Variants in HSPG2 observed in about 807,000 individuals in gnomAD.
The protein encoded by HSPG2 is heparan sulfate proteoglycan 2.
Under a neutral mutation model 526.6 loss-of-function variants are expected in HSPG2, and 278 were observed. The observed-to-expected ratio is 0.53, with a 90% confidence interval of 0.48 to 0.58. The LOEUF is 0.58. Ranked by LOEUF, HSPG2 falls within the 20% of genes least tolerant of loss-of-function variation. The probability of loss-of-function intolerance (pLI) is 0.00; values close to 1 mark genes in which losing one functional copy is unlikely to be tolerated. For synonymous variants in HSPG2, 2,465 were observed against 2,555.4 expected (o/e 0.96, Z 1.07); for missense variants, 5,354 against 6,099.5 (o/e 0.88, Z 4.07).
rs1266840796 is a variant in HSPG2, at chr1:21,824,525, A to G, written c.12744+12T>C. The G allele has an allele frequency of 1.2e-6, 2 of 1,612,748 alleles. No homozygotes were observed. The highest frequency in any genetic ancestry group is 1.7e-6 in the Non-Finnish European group (2 of 1,179,826). ...AGGAGCCCCAAGAGCCCAGCCGGAT[A>G]CCCACACTCACCACACCCTGCCAGA... On this transcript the variant is annotated intron_variant, in intron 93 of 96. Coordinates refer to ENST00000374695, the MANE Select transcript of HSPG2 (RefSeq NM_005529.7). The surrounding 1 kb of genome is among the most constrained non-coding windows in gnomAD (Gnocchi z 5.9).
At chr1:21,914,240 A>C (rs1643814665) in intron 1 of HSPG2, among the ~76,000 whole-genome samples, 1 of 152,174 alleles carries the variant, frequency 6.6e-6, no homozygotes, top group Non-Finnish European at 1.5e-5. Flanking sequence ...CTGAAAAGGA[A>C]ATACAGCAGG....
rs765286322 is a variant in HSPG2, at chr1:21,878,234, A to G, written c.2637T>C (p.Cys879=). ...CRPVNQEIVR[C]DERGSMGTSG... is the part of the protein sequence containing the mutation. ...AGGTCCCCATGCTGCCACGCTCGTC[A>G]CAGCGCACAATCTCCTGGTCTGGGA... is the stretch of plus-strand genomic sequence containing the variant. Residue 879 remains cysteine (C), a synonymous_variant, in exon 21 of 97, where the codon TGT becomes TGC. Coordinates refer to ENST00000374695, the MANE Select transcript of HSPG2 (RefSeq NM_005529.7). 7 of 1,613,870 alleles carry G rather than the reference A, an allele frequency of 4.3e-6. No individual in the cohort carries two copies. The highest frequency in any genetic ancestry group is 5.1e-6 in the Non-Finnish European group (6 of 1,180,020).
intron 1 of HSPG2, among the ~76,000 whole-genome samples, chr1:21,932,790 C>T (rs920928408): frequency 2.6e-5 from 4 of 152,152 alleles, no homozygotes; most frequent in Middle Eastern, 3.2e-3. Context: ...CTTGGTCAGG[C>T]GAGGTGGCCC....
intron 85 of HSPG2, 126 bp from the exon 86 acceptor site, chr1:21,830,217 G>A (rs745471066): frequency 4.0e-6 from 3 of 755,768 alleles, no homozygotes; most frequent in Non-Finnish European, 6.8e-6. Context: ...CAGCCTCCTG[G>A]GAGGCCTTGG....
Position 21,839,231 on chromosome 1 carries a change from G to T in HSPG2, c.9889+140C>A. The T allele has an allele frequency of 7.0e-7, 1 of 1,426,370 alleles. No individual in the cohort carries two copies. The highest frequency in any genetic ancestry group is 1.4e-5 in the African/African-American group (1 of 71,222). The allele number at this position is 1,426,370 out of a possible 1,614,324, so 88.4% of individuals were successfully genotyped here. ...GCAAAGGTCCCAGGCCAGGGTGTGG[G>T]TGTCGGGCAGGGCAGGCTCCAGGAC... On this transcript the variant is annotated intron_variant, in intron 73 of 96. Transcript: ENST00000374695. The surrounding 1 kb of genome is among the most constrained non-coding windows in gnomAD (Gnocchi z 4.5).
In HSPG2 at chr1:21,885,032, G is replaced by A; in HGVS notation, c.1336C>T (p.His446Tyr). ...CCGCACCTGGGATGAGAGGGGATGT[G>A]GCCCCAGTTGAGCCTCCAATTGATG... ...PIINWRLNWGHIPSHPRVTVT... is the reference protein window; with the variant it reads ...PIINWRLNWGYIPSHPRVTVT... Residue 446 changes from histidine to tyrosine, a missense_variant, in exon 11 of 97, where the codon CAC becomes TAC. Coordinates refer to ENST00000374695, the MANE Select transcript of HSPG2 (RefSeq NM_005529.7). 1.2e-6 allele frequency: 2 copies of A among 1,613,950 alleles called. No individual in the cohort carries two copies. Among genetic ancestry groups the A allele is most frequent in the Non-Finnish European group, 1.7e-6 (2 of 1,180,002 alleles).
In HSPG2 at chr1:21,830,049, C is replaced by A. The variant is rs773431731; in HGVS notation, c.11714G>T (p.Gly3905Val). ...PDATCVNRPD[G>V]RGYTCRCHLG... ...GTGGCAGCGGCAGGTGTAGCCTCGA[C>A]CGTCAGGCCGGTTCACACAGGTGGC... The change falls in exon 86 of 97, where the codon GGT becomes GTT. Residue 3905 changes from glycine to valine, a missense_variant. Gly to Val is a moderately radical substitution (Grantham distance 109). Transcript: ENST00000374695. The A allele has an allele frequency of 4.4e-6, 7 of 1,604,434 alleles. No individual in the cohort carries two copies. In the East Asian group the frequency reaches 1.3e-4, roughly 31 times the overall value.
At position 21,836,975 on chromosome 1, in the gene HSPG2, G is replaced by C. The variant is rs959079667; in HGVS notation, c.10182C>G (p.Ile3394Met). The C allele has an allele frequency of 1.3e-6, 2 of 1,553,806 alleles. No individual in the cohort carries two copies. The highest frequency in any genetic ancestry group is 1.4e-5 in the African/African-American group (1 of 73,320). The stretch of plus-strand genomic sequence containing the variant: ...GCACGGTGGGCGTGGACCCTGCTGG[G>C]ATGGAGGTGGCAGGGAGAGAGCCGG... Reference protein sequence around the residue: ...GPPGSLPATSIPAGSTPTVQV... With the variant: ...GPPGSLPATSMPAGSTPTVQV... The change falls in exon 75 of 97, where the codon ATC becomes ATG. Residue 3394 changes from isoleucine to methionine, a missense_variant. Coordinates refer to ENST00000374695, the MANE Select transcript of HSPG2 (RefSeq NM_005529.7).
At chr1:21,879,156 G>C (rs1198263082) in intron 17 of HSPG2, 35 bp from the exon 18 acceptor site, 1 of 1,613,730 alleles carries the variant, frequency 6.2e-7, no homozygotes, top group African/African-American at 1.3e-5. Context: ...TCAACTTCTA[G>C]AGCAGAACTG....
In HSPG2 at chr1:21,828,991, C is replaced by T. The variant is rs767343959; in HGVS notation, c.12081G>A (p.Leu4027=). Residue 4027 remains leucine (L), a synonymous_variant, in exon 88 of 97, where the codon CTG becomes CTA. Coordinates refer to ENST00000374695, the MANE Select transcript of HSPG2 (RefSeq NM_005529.7). The surrounding 1 kb of genome is among the most constrained non-coding windows in gnomAD (Gnocchi z 6.0). ...GCACAGGGCGTCCACCATTCACCCGCAGGCTGCCGTCCTTGTTGAGACGCT... is the reference window on the plus strand; with the variant it reads ...GCACAGGGCGTCCACCATTCACCCGTAGGCTGCCGTCCTTGTTGAGACGCT... ...SAERLNKDGS[L]RVNGGRPVLR... 23 of 1,571,516 alleles carry T rather than the reference C, an allele frequency of 1.5e-5. No homozygotes were observed. The highest frequency in any genetic ancestry group is 5.8e-5 in the South Asian group (5 of 85,494).
Position 21,855,445 on chromosome 1 carries a change from C to A in HSPG2, c.5856G>T (p.Gly1952=), listed in dbSNP as rs997439061. The A allele has an allele frequency of 1.5e-5, 24 of 1,613,066 alleles. No homozygotes were observed. Among genetic ancestry groups the A allele is most frequent in the Middle Eastern group, 3.3e-4 (2 of 6,080 alleles). ...QVARAVLHVH[G]GGGPRVQVSP... ...TCACTTGGACTCTGGGCCCACCGCC[C>A]CCTGCAGACAGAGTCCTGTGAGAAC... The change falls in exon 47 of 97, where the codon GGG becomes GGT. Residue 1952 remains glycine (G), a splice_region_variant and synonymous_variant. Coordinates refer to ENST00000374695, the MANE Select transcript of HSPG2 (RefSeq NM_005529.7).
chr1:21,904,176 G>A lies in HSPG2; in HGVS notation c.64-7866C>T, dbSNP rs934187089. 6.6e-6 allele frequency among the ~76,000 whole-genome samples: 1 copy of A among 152,194 alleles called. No individual in the cohort carries two copies. Among genetic ancestry groups the A allele is most frequent in the Non-Finnish European group, 1.5e-5 (1 of 68,044 alleles). ...AGAGAGTGCTGAAGGGGAAGGAAGG[G>A]GGCCGGCAGAGCCCAGGGGAGGGTC... is the stretch of plus-strand genomic sequence containing the variant. On this transcript the variant is annotated intron_variant, in intron 1 of 96. Coordinates refer to ENST00000374695, the MANE Select transcript of HSPG2 (RefSeq NM_005529.7). The surrounding 1 kb of genome is among the most constrained non-coding windows in gnomAD (Gnocchi z 4.4).
At position 21,848,181 on chromosome 1, in the gene HSPG2, T is replaced by C. The variant is rs1033545402; in HGVS notation, c.7738-88A>G. 8.4e-6 allele frequency: 12 copies of C among 1,435,492 alleles called. No individual in the cohort carries two copies. Among genetic ancestry groups the C allele is most frequent in the African/African-American group, 4.2e-5 (3 of 71,180 alleles). 88.9% of individuals were successfully genotyped at this position (1,435,492 alleles called of 1,614,324 possible). A position where few individuals can be genotyped will look rare whatever the true frequency, so the allele number is the denominator to read the frequency against. On this transcript the variant is annotated intron_variant, in intron 59 of 96. Coordinates refer to ENST00000374695, the MANE Select transcript of HSPG2 (RefSeq NM_005529.7). This position sits in a 1 kb window ranked among gnomAD's most constrained non-coding sequence, Gnocchi z 4.9. ...CACTGCTGCCGCTGCCCCTGGACTC[T>C]GGGGGCCTCCCTGCCTTGCCTCCTC...
At position 21,876,522 on chromosome 1, in the gene HSPG2, C is replaced by T. The variant is rs1641081954; in HGVS notation, c.2816G>A (p.Ser939Asn). 1.9e-6 allele frequency: 3 copies of T among 1,614,106 alleles called. No individual in the cohort carries two copies. Among genetic ancestry groups the T allele is most frequent in the Admixed American group, 3.3e-5 (2 of 60,006 alleles). The change falls in exon 22 of 97, where the codon AGC (serine) becomes AAC (asparagine). Residue 939 changes from serine to asparagine, a missense_variant. By Grantham distance (46) the Ser-to-Asn change is conservative. Transcript: ENST00000374695. ...ACCTTGCAGAGGTACCTGGGCACGG[C>T]TCCATGAAGAGCTGGTGCAGTGGCG... ...VSRHCTSSSW[S>N]RAQLHGASEE...
intron 1 of HSPG2, among the ~76,000 whole-genome samples, chr1:21,929,941 C>T (rs372520241): frequency 1.8e-4 from 27 of 152,148 alleles, no homozygotes; most frequent in Admixed American, 1.4e-3. Context: ...GGACCCTCCC[C>T]GTGCTCCTCT....
At chr1:21,916,016 A>C (rs1643877905) in intron 1 of HSPG2, among the ~76,000 whole-genome samples, 2 of 149,160 alleles carry the variant, frequency 1.3e-5, no homozygotes, top group African/African-American at 4.9e-5. Context: ...ACACCACTGC[A>C]TGCCAGCCTG....
chr1:21,887,425 T>G lies in HSPG2; in HGVS notation c.953A>C (p.Asp318Ala). The G allele has an allele frequency of 1.9e-6, 3 of 1,613,956 alleles. No homozygotes were observed. The highest frequency in any genetic ancestry group is 1.1e-5 in the South Asian group (1 of 91,072). ...EDCEDGSDEL[D>A]CGPPPPCEPN... ...GCACCCCTGCCGGTGCGCACCACAG[T>G]CTAGCTCATCGCTGCCGTCCTCGCA... The change falls in exon 8 of 97, where the codon GAC becomes GCC. Residue 318 changes from aspartate (D) to alanine (A), a missense_variant. By Grantham distance (126) the Asp-to-Ala change is moderately radical. Transcript: ENST00000374695. The surrounding 1 kb of genome is among the most constrained non-coding windows in gnomAD (Gnocchi z 5.0).
chr1:21,851,950 T>C, intron 53 of HSPG2, 24 bp from the exon 54 acceptor site: 3 of 1,603,692 alleles, frequency 1.9e-6, no homozygotes, highest in Admixed American at 1.7e-5. Context: ...GGCAGAGGTG[T>C]GAGGGGGGCT....
At chr1:21,918,622 C>T (rs1643946545) in intron 1 of HSPG2, among the ~76,000 whole-genome samples, 1 of 152,100 alleles carries the variant, frequency 6.6e-6, no homozygotes, top group South Asian at 2.1e-4. Context: ...TTATTATTAC[C>T]ACCCTCATTC....
Sources: gnomAD v4.1 joint callset for allele counts (sites outside exome capture counted in the v4.1 genomes callset) on GRCh38, gnomAD v4.1.1 for gene constraint, Gnocchi (gnomAD v3.1) non-coding constraint, MANE v1.5 for transcripts, NCBI Gene and HGNC (gene_info 2026-07-23, HGNC 2026-07-21) for gene names.